The following DNAI1 variants were observed in gnomAD, a reference collection of about 807,000 sequenced individuals.
DNAI1 encodes dynein axonemal intermediate chain 1, also known as dynein, axonemal, intermediate polypeptide 1.
A neutral mutation model predicts 92.0 loss-of-function variants in DNAI1; 67 were observed. The ratio of observed to expected loss-of-function variants is 0.73; its 90% CI spans 0.60 to 0.89. The LOEUF is 0.89. DNAI1 is among the 40% of genes least tolerant of loss of function. The pLI, the probability that DNAI1 is intolerant of heterozygous loss-of-function variation, is 0.00. For missense variants in DNAI1, 839 were observed against 866.6 expected, an observed-to-expected ratio of 0.97 and a Z score of 0.40; for synonymous variants, 323 against 319.6, an observed-to-expected ratio of 1.01 and a Z score of -0.11.
intron 12 of DNAI1, among the ~76,000 whole-genome samples, chr9:34,502,349 C>T (rs554725549): frequency 3.3e-5 from 5 of 152,328 alleles, no homozygotes; most frequent in African/African-American, 9.6e-5. Context: ...ATTCCTCCCC[C>T]TCTGCTGCAG....
At chr9:34,471,355 G>A (rs1327592929) in intron 1 of DNAI1, among the ~76,000 whole-genome samples, 2 of 151,364 alleles carry the variant, frequency 1.3e-5, no homozygotes, top group African/African-American at 2.4e-5. Flanking sequence ...AGCCCATGAA[G>A]TAAAGGCTGC....
chr9:34,464,189 C>T (rs368350639), intron 1 of DNAI1, among the ~76,000 whole-genome samples: 4 of 152,104 alleles, frequency 2.6e-5, no homozygotes, highest in Non-Finnish European at 5.9e-5. Flanking sequence ...CTCATTCACT[C>T]GTGCCCTTTC....
At chr9:34,499,782 A>T (rs1283929011) in intron 10 of DNAI1, among the ~76,000 whole-genome samples, 1 of 152,182 alleles carries the variant, frequency 6.6e-6, no homozygotes, top group African/African-American at 2.4e-5. Flanking sequence ...GCATGATTTG[A>T]TATGGAGGGG....
At chr9:34,511,564 C>T (rs972416137) in intron 13 of DNAI1, among the ~76,000 whole-genome samples, 2 of 152,146 alleles carry the variant, frequency 1.3e-5, no homozygotes, top group African/African-American at 2.4e-5. Context: ...ACCCAGATTC[C>T]GAGGATGATG....
chr9:34,460,578 G>C (rs113384924), intron 1 of DNAI1, among the ~76,000 whole-genome samples: 2 of 152,036 alleles, frequency 1.3e-5, no homozygotes, highest in African/African-American at 4.8e-5. Flanking sequence ...TGTTGGGGTT[G>C]GGCTTTACGT....
chr9:34,476,608 A>T (rs1423001924), intron 1 of DNAI1, among the ~76,000 whole-genome samples: 1 of 152,212 alleles, frequency 6.6e-6, no homozygotes, highest in African/African-American at 2.4e-5. Flanking sequence ...GGCATCTTGA[A>T]TGAGGTAAGG....
chr9:34,470,109 T>C (rs1824110881), intron 1 of DNAI1, among the ~76,000 whole-genome samples: 1 of 152,196 alleles, frequency 6.6e-6, no homozygotes, highest in Non-Finnish European at 1.5e-5. Flanking sequence ...AAGTTCAGGA[T>C]GCATATTGTA....
At chr9:34,471,292 G>T (rs1027497397) in intron 1 of DNAI1, among the ~76,000 whole-genome samples, 1 of 151,704 alleles carries the variant, frequency 6.6e-6, no homozygotes, top group Non-Finnish European at 1.5e-5. Context: ...GGGTGTGGTG[G>T]CATTTGACTG....
At chr9:34,482,004 C>T (rs1227941522) in intron 1 of DNAI1, among the ~76,000 whole-genome samples, 1 of 152,204 alleles carries the variant, frequency 6.6e-6, no homozygotes, top group Non-Finnish European at 1.5e-5. Flanking sequence ...CCTGTTTTGT[C>T]AGGGCGCTGA....
At chr9:34,497,866 AC>A (rs1824757261) in intron 10 of DNAI1, among the ~76,000 whole-genome samples, 1 of 152,192 alleles carries the variant, frequency 6.6e-6, no homozygotes, top group Admixed American at 6.5e-5. Flanking sequence ...GACTCTGGGG[AC>A]AAGGGACAGC....
At chr9:34,467,848 C>T (rs553494369) in intron 1 of DNAI1, among the ~76,000 whole-genome samples, 1 of 152,290 alleles carries the variant, frequency 6.6e-6, no homozygotes, top group East Asian at 1.9e-4. Context: ...GGAAAACACT[C>T]AACGTGAGTC....
chr9:34,503,183 TTGCATATCTCAGAACCACC>T (rs1238069034), intron 12 of DNAI1, among the ~76,000 whole-genome samples: 1 of 152,184 alleles, frequency 6.6e-6, no homozygotes, highest in African/African-American at 2.4e-5. Context: ...CTCCAGAGCC[TTGCATATCTCAGAACCACC>T]TGCAGAGGCC....
intron 19 of DNAI1, among the ~76,000 whole-genome samples, chr9:34,519,623 G>A: frequency 6.6e-6 from 1 of 151,712 alleles, no homozygotes; most frequent in South Asian, 2.1e-4. Flanking sequence ...TGGGGTCACA[G>A]CAGGGGGAAA....
chr9:34,462,721 C>T (rs1823972807), intron 1 of DNAI1, among the ~76,000 whole-genome samples: 1 of 152,176 alleles, frequency 6.6e-6, no homozygotes, highest in Non-Finnish European at 1.5e-5. Context: ...TTTGTATCTG[C>T]TTTGGCAGTA....
At chr9:34,469,444 A>C (rs1489550811) in intron 1 of DNAI1, among the ~76,000 whole-genome samples, 1 of 150,142 alleles carries the variant, frequency 6.7e-6, no homozygotes, top group Non-Finnish European at 1.5e-5. Flanking sequence ...TTTTTTTTTA[A>C]TATATAGAGA....
At position 34,485,472 on chromosome 9, in the gene DNAI1, C is replaced by T; in HGVS notation, c.216C>T (p.Ala72=). Residue 72 remains alanine, a synonymous_variant, in exon 4 of 20, where the codon GCC becomes GCT. Transcript: ENST00000242317. The part of the protein sequence containing the change: ...LKEEFTRILT[A]NNPHAPQNIV... The stretch of plus-strand genomic sequence containing the variant: ...AGGAGTTCACTCGGATTTTGACAGC[C>T]AACAACCCACACGCACCCCAGAACA... 6.2e-7 allele frequency: 1 copy of T among 1,614,116 alleles called. No homozygotes were observed. The highest frequency in any genetic ancestry group is 8.5e-7 in the Non-Finnish European group (1 of 1,180,034).
At chr9:34,485,305 A>C in intron 3 of DNAI1, 65 bp downstream of exon 3, 1 of 1,605,374 alleles carries the variant, frequency 6.2e-7, no homozygotes, top group Non-Finnish European at 8.5e-7. Flanking sequence ...GTGTTCTTCC[A>C]TAGTACATGA....
At chr9:34,469,454 A>T (rs1259551591) in intron 1 of DNAI1, among the ~76,000 whole-genome samples, 1 of 150,410 alleles carries the variant, frequency 6.6e-6, no homozygotes, top group African/African-American at 2.5e-5. Flanking sequence ...ATATATAGAG[A>T]CAGGGTCTCA....
intron 13 of DNAI1, among the ~76,000 whole-genome samples, chr9:34,510,313 C>T (rs1287646070): frequency 5.3e-5 from 8 of 152,166 alleles, no homozygotes; most frequent in African/African-American, 1.9e-4. Flanking sequence ...CTGTGCAGGC[C>T]CTACTGTGAA....
Sources: gnomAD v4.1 joint callset for allele counts (sites outside exome capture counted in the v4.1 genomes callset) on GRCh38, gnomAD v4.1.1 for gene constraint, MANE v1.5 for transcripts, NCBI Gene and HGNC (gene_info 2026-07-23, HGNC 2026-07-21) for gene names.